SLC35D4: variants seen among roughly 807,000 people sequenced by gnomAD.
SLC35D4 encodes solute carrier family 35 member D4.
the SLC35D4 span, among the ~76,000 whole-genome samples, chr18:23,372,494 C>T: frequency 4.6e-5 from 7 of 152,308 alleles, no homozygotes; most frequent in Non-Finnish European, 8.8e-5. Flanking sequence ...ATTCTAAAAT[C>T]CCCACTTATT....
chr18:23,267,466 C>T, the SLC35D4 span, among the ~76,000 whole-genome samples: 3 of 152,106 alleles, frequency 2.0e-5, no homozygotes, highest in South Asian at 4.1e-4. Context: ...CCCTCCACCC[C>T]GGCCCACTTC....
chr18:23,331,453 G>C, the SLC35D4 span: 1 of 152,200 alleles, frequency 6.6e-6, no homozygotes, highest in African/African-American at 2.4e-5. Flanking sequence ...GGCTCTGCTC[G>C]GGAAGCTGCC....
the SLC35D4 span, among the ~76,000 whole-genome samples, chr18:23,413,214 C>A: frequency 2.5e-4 from 38 of 152,334 alleles, 2 homozygotes; most frequent in South Asian, 3.7e-3. Flanking sequence ...TTCTTCCCAG[C>A]TCTCTGATCA....
chr18:23,253,164 C>T, the SLC35D4 span: 12 of 706,420 alleles, frequency 1.7e-5, no homozygotes, highest in East Asian at 3.2e-4. Flanking sequence ...CCTGTGGTTC[C>T]AGTGATTGAG....
chr18:23,430,595 C>A, the SLC35D4 span: 3 of 1,534,028 alleles, frequency 2.0e-6, no homozygotes, highest in South Asian at 1.2e-5. Flanking sequence ...TGGACATTTC[C>A]TAAAAATGTA....
At chr18:23,428,418 A>G in the SLC35D4 span, among the ~76,000 whole-genome samples, 1 of 152,228 alleles carries the variant, frequency 6.6e-6, no homozygotes, top group African/African-American at 2.4e-5. Context: ...ATTCACGTAG[A>G]GGCTGAGTGG....
chr18:23,392,358 T>C, the SLC35D4 span, among the ~76,000 whole-genome samples: 1 of 152,244 alleles, frequency 6.6e-6, no homozygotes, highest in African/African-American at 2.4e-5. Context: ...TGAATATGCA[T>C]ATGTGCACAT....
At chr18:23,370,575 G>A in the SLC35D4 span, among the ~76,000 whole-genome samples, 1 of 152,166 alleles carries the variant, frequency 6.6e-6, no homozygotes, top group Non-Finnish European at 1.5e-5. Context: ...TTGACATGAC[G>A]CACATGAAAA....
the SLC35D4 span, among the ~76,000 whole-genome samples, chr18:23,367,315 T>C: frequency 2.0e-5 from 3 of 151,880 alleles, no homozygotes; most frequent in Admixed American, 2.0e-4. Context: ...TGAAAAAAAA[T>C]TCCCTCCGAT....
chr18:23,289,743 C>T, the SLC35D4 span, among the ~76,000 whole-genome samples: 2 of 152,136 alleles, frequency 1.3e-5, no homozygotes, highest in African/African-American at 4.8e-5. Flanking sequence ...GACATTCCAC[C>T]ACAAAAGAAG....
the SLC35D4 span, among the ~76,000 whole-genome samples, chr18:23,329,197 T>C: frequency 1.2e-4 from 19 of 152,142 alleles, no homozygotes; most frequent in Admixed American, 2.0e-4. Flanking sequence ...AAAGCCAAAA[T>C]TGACAAATGG....
the SLC35D4 span, among the ~76,000 whole-genome samples, chr18:23,357,981 A>G: frequency 1.4e-4 from 22 of 152,298 alleles, no homozygotes; most frequent in African/African-American, 4.8e-4. Flanking sequence ...AAATGACAAC[A>G]TCAGTTGTCA....
chr18:23,268,532 C>T, the SLC35D4 span, among the ~76,000 whole-genome samples: 1 of 152,110 alleles, frequency 6.6e-6, no homozygotes, highest in East Asian at 1.9e-4. Flanking sequence ...TGATGTTTCT[C>T]CAGTCAAGGT....
the SLC35D4 span, among the ~76,000 whole-genome samples, chr18:23,249,933 GC>G: frequency 6.6e-6 from 1 of 152,188 alleles, no homozygotes; most frequent in African/African-American, 2.4e-5. Context: ...CCCAGCGCTG[GC>G]CCCTGCCTGC....
the SLC35D4 span, among the ~76,000 whole-genome samples, chr18:23,373,420 G>A: frequency 1.3e-5 from 2 of 152,202 alleles, no homozygotes; most frequent in Non-Finnish European, 2.9e-5. Flanking sequence ...GGCAATTTGG[G>A]CGTTGGCTTG....
the SLC35D4 span, chr18:23,356,659 A>AAGC: frequency 6.2e-7 from 1 of 1,614,104 alleles, no homozygotes; most frequent in Admixed American, 1.7e-5. This position sits in a 1 kb window ranked among gnomAD's most constrained non-coding sequence, Gnocchi z 4.1. Context: ...CGCTGAAGAG[A>AAGC]TCACCTGAGG....
At chr18:23,298,134 T>C in the SLC35D4 span, 2 of 1,577,600 alleles carry the variant, frequency 1.3e-6, no homozygotes, top group South Asian at 1.1e-5. Context: ...GGCGCCCACA[T>C]ACGCAGGGCA....
the SLC35D4 span, among the ~76,000 whole-genome samples, chr18:23,367,465 G>A: frequency 6.6e-6 from 1 of 152,174 alleles, no homozygotes; most frequent in Non-Finnish European, 1.5e-5. Flanking sequence ...GCAGAGGGGT[G>A]CTGGGGGACG....
the SLC35D4 span, among the ~76,000 whole-genome samples, chr18:23,343,526 C>T: frequency 6.6e-6 from 1 of 152,156 alleles, no homozygotes; most frequent in Non-Finnish European, 1.5e-5. Context: ...CAGGTCTGAG[C>T]CACCAAGCCT....
Sources: allele counts gnomAD v4.1 joint callset (sites outside exome capture counted in the v4.1 genomes callset), GRCh38; gene constraint gnomAD v4.1.1; non-coding constraint Gnocchi (gnomAD v3.1); transcripts MANE v1.5; gene names NCBI Gene and HGNC (gene_info 2026-07-23, HGNC 2026-07-21).